The following ARHGAP15 variants were observed in gnomAD, a reference collection of about 807,000 sequenced individuals.
The protein encoded by ARHGAP15 is rho GTPase-activating protein 15.
A neutral mutation model predicts 63.7 loss-of-function variants in ARHGAP15; 51 were observed. That is an observed-to-expected ratio of 0.80 (90% CI 0.64 to 1.01). The LOEUF (loss-of-function observed/expected upper bound fraction) is 1.01. ARHGAP15 is among the 50% of genes least tolerant of loss of function. The pLI is 0.00. For missense variants in ARHGAP15, 560 were observed against 564.6 expected (o/e 0.99, Z 0.08); for synonymous variants, 191 against 193.8 (o/e 0.99, Z 0.12).
chr2:143,416,839 CCCCACG>C (rs1258288647), intron 6 of ARHGAP15, among the ~76,000 whole-genome samples: 1 of 69,916 alleles, frequency 1.4e-5, no homozygotes, highest in Non-Finnish European at 3.1e-5. Context: ...ACCCCCACGC[CCCCACG>C]CCCCCACGCC....
intron 2 of ARHGAP15, among the ~76,000 whole-genome samples, chr2:143,180,028 C>T (rs1297939354): frequency 6.6e-6 from 1 of 152,132 alleles, no homozygotes; most frequent in Non-Finnish European, 1.5e-5. Context: ...GCTGACTGAT[C>T]AGGGTGGTGA....
intron 2 of ARHGAP15, among the ~76,000 whole-genome samples, chr2:143,180,404 T>C (rs897503391): frequency 6.6e-6 from 1 of 152,236 alleles, no homozygotes. Flanking sequence ...CCACTTCTTA[T>C]TCTAGTTGTC....
At chr2:143,167,840 A>T (rs1001198460) in intron 2 of ARHGAP15, among the ~76,000 whole-genome samples, 1 of 152,078 alleles carries the variant, frequency 6.6e-6, no homozygotes, top group African/African-American at 2.4e-5. Context: ...TGTTTTTAAT[A>T]GTTTGAATTT....
chr2:143,213,339 C>T (rs752824833), intron 3 of ARHGAP15, among the ~76,000 whole-genome samples: 15 of 152,112 alleles, frequency 9.9e-5, no homozygotes, highest in Non-Finnish European at 1.8e-4. Context: ...CATGGAGAAA[C>T]ACTGTCTCTA....
At chr2:143,385,814 T>A (rs570415592) in intron 6 of ARHGAP15, among the ~76,000 whole-genome samples, 2 of 152,126 alleles carry the variant, frequency 1.3e-5, no homozygotes, top group Non-Finnish European at 2.9e-5. Flanking sequence ...ATGTCTTAGA[T>A]AAACATTGAT....
At chr2:143,392,346 C>T (rs182902740) in intron 6 of ARHGAP15, among the ~76,000 whole-genome samples, 77 of 152,076 alleles carry the variant, frequency 5.1e-4, no homozygotes, top group Admixed American at 2.0e-3. Context: ...TCATTTGATC[C>T]ACATCATCAA....
At chr2:143,354,090 G>A (rs1685700703) in intron 6 of ARHGAP15, among the ~76,000 whole-genome samples, 1 of 151,640 alleles carries the variant, frequency 6.6e-6, no homozygotes, top group East Asian at 1.9e-4. Flanking sequence ...AATGGATTCC[G>A]AACAGGAATG....
chr2:143,574,252 C>T (rs1336320989), intron 11 of ARHGAP15, among the ~76,000 whole-genome samples: 3 of 152,010 alleles, frequency 2.0e-5, no homozygotes, highest in Non-Finnish European at 4.4e-5. Flanking sequence ...GAGTGTAATG[C>T]CTCAGATTTC....
intron 9 of ARHGAP15, among the ~76,000 whole-genome samples, chr2:143,508,118 T>C (rs569710241): frequency 5.2e-4 from 79 of 152,304 alleles, no homozygotes; most frequent in African/African-American, 1.9e-3. Flanking sequence ...TATAGGGTCC[T>C]ACCTGCTTTG....
intron 5 of ARHGAP15, among the ~76,000 whole-genome samples, chr2:143,229,246 C>G (rs1693343110): frequency 6.6e-6 from 1 of 152,124 alleles, no homozygotes; most frequent in Admixed American, 6.5e-5. Flanking sequence ...AGGAAACACT[C>G]TAAATTAGCC....
intron 6 of ARHGAP15, among the ~76,000 whole-genome samples, chr2:143,271,615 A>G (rs1258203405): frequency 1.3e-5 from 2 of 152,214 alleles, no homozygotes. Context: ...AGCTGGGACC[A>G]CAGGTGCCTG....
At chr2:143,654,379 G>T (rs1681326046) in intron 12 of ARHGAP15, among the ~76,000 whole-genome samples, 1 of 152,058 alleles carries the variant, frequency 6.6e-6, no homozygotes, top group Admixed American at 6.6e-5. Flanking sequence ...TACTCAAAAA[G>T]GAGTTGAGAA....
At chr2:143,253,838 G>C (rs1680287829) in intron 6 of ARHGAP15, among the ~76,000 whole-genome samples, 1 of 151,866 alleles carries the variant, frequency 6.6e-6, no homozygotes, top group African/African-American at 2.4e-5. Context: ...AGGAAATAGA[G>C]TAAGCACTTC....
chr2:143,669,415 C>T (rs1467063571), intron 12 of ARHGAP15, among the ~76,000 whole-genome samples: 1 of 152,132 alleles, frequency 6.6e-6, no homozygotes, highest in Non-Finnish European at 1.5e-5. Flanking sequence ...AGATCTAATG[C>T]CTAGAACAGT....
intron 6 of ARHGAP15, chr2:143,435,140 T>G (rs1289342317): frequency 9.4e-6 from 4 of 423,368 alleles, no homozygotes. Context: ...AATTAGTGTT[T>G]TTGGTAAATA....
intron 6 of ARHGAP15, among the ~76,000 whole-genome samples, chr2:143,375,412 G>A (rs1286318348): frequency 6.6e-6 from 1 of 152,160 alleles, no homozygotes; most frequent in Non-Finnish European, 1.5e-5. Context: ...TCTGATTGGT[G>A]ATGAAAATTC....
intron 11 of ARHGAP15, among the ~76,000 whole-genome samples, chr2:143,621,401 G>T (rs1698643781): frequency 1.3e-5 from 2 of 152,108 alleles, no homozygotes; most frequent in Admixed American, 1.3e-4. Flanking sequence ...CTTGAGGACT[G>T]GTTGGCTTCA....
chr2:143,138,996 C>T (rs556587646), intron 1 of ARHGAP15, among the ~76,000 whole-genome samples: 71 of 152,116 alleles, frequency 4.7e-4, no homozygotes, highest in Non-Finnish European at 7.9e-4. Context: ...ATGGATGCCA[C>T]GGCTCTAAAC....
intron 6 of ARHGAP15, among the ~76,000 whole-genome samples, chr2:143,352,853 A>T (rs1685629915): frequency 6.6e-6 from 1 of 152,210 alleles, no homozygotes; most frequent in African/African-American, 2.4e-5. Flanking sequence ...TCCTTTGCGA[A>T]TTGAATAGCT....
Sources: allele counts gnomAD v4.1 joint callset (sites outside exome capture counted in the v4.1 genomes callset), GRCh38; gene constraint gnomAD v4.1.1; transcripts MANE v1.5; gene names NCBI Gene and HGNC (gene_info 2026-07-23, HGNC 2026-07-21).